PIP4P2: variants seen among roughly 807,000 people sequenced by gnomAD.
The protein encoded by PIP4P2 is type 2 phosphatidylinositol 4,5-bisphosphate 4-phosphatase.
In PIP4P2, 19 loss-of-function variants were observed where a neutral mutation model predicts 33.3. The observed-to-expected ratio is 0.57, with a 90% CI of 0.40 to 0.84. The LOEUF (loss-of-function observed/expected upper bound fraction) is 0.84. Ranked by LOEUF, PIP4P2 falls within the 40% of genes least tolerant of loss-of-function variation. The pLI, the probability that PIP4P2 is intolerant of heterozygous loss-of-function variation, is 0.00. For missense variants in PIP4P2, 270 were observed against 324.7 expected, an observed-to-expected ratio of 0.83 and a Z score of 1.29; for synonymous variants, 110 against 111.9, an observed-to-expected ratio of 0.98 and a Z score of 0.11.
intron 5 of PIP4P2, among the ~76,000 whole-genome samples, chr8:91,003,861 A>G (rs79659574): frequency 0.073 from 11,052 of 152,122 alleles, 423 homozygotes; most frequent in Middle Eastern, 0.12. Flanking sequence ...CCCAGGAGAA[A>G]GCAGTATCTG....
At chr8:91,025,850 C>G (rs981019144) in intron 1 of PIP4P2, among the ~76,000 whole-genome samples, 1 of 152,136 alleles carries the variant, frequency 6.6e-6, no homozygotes, top group Admixed American at 6.6e-5. Flanking sequence ...GGGTTAGCTG[C>G]TTTTAGTGTC....
chr8:91,037,772 C>A (rs1441886593), intron 1 of PIP4P2, among the ~76,000 whole-genome samples: 1 of 152,028 alleles, frequency 6.6e-6, no homozygotes. Context: ...CATAATGAGA[C>A]AACCCCAGAT....
chr8:91,030,940 C>G lies in PIP4P2; in HGVS notation c.107-9536G>C, dbSNP rs1319138786. 2.6e-5 allele frequency among the ~76,000 whole-genome samples: 4 copies of G among 152,306 alleles called. 1 individual carries two copies. The South Asian group carries it at 8.3e-4, about 32-fold the overall frequency. On this transcript the variant is annotated intron_variant, in intron 1 of 6. Coordinates refer to ENST00000285419, the MANE Select transcript of PIP4P2 (RefSeq NM_018710.3). ...CAAAAAAGCCACAACTTCTTTGGCA[C>G]TGCTCCCATTGAGAGGTAAGGTCTT...
chr8:91,010,432 G>A (rs1305353337), intron 4 of PIP4P2, among the ~76,000 whole-genome samples: 1 of 151,838 alleles, frequency 6.6e-6, no homozygotes, highest in East Asian at 1.9e-4. Flanking sequence ...TGCCTAAGGA[G>A]ATTGTTTAGT....
intron 5 of PIP4P2, among the ~76,000 whole-genome samples, chr8:91,000,129 C>T (rs1415224440): frequency 1.3e-5 from 2 of 151,976 alleles, no homozygotes; most frequent in Non-Finnish European, 2.9e-5. Context: ...TTAAATCCAT[C>T]TTCCTGATAA....
At chr8:90,998,331 C>T (rs1465529723) in intron 5 of PIP4P2, among the ~76,000 whole-genome samples, 1 of 151,988 alleles carries the variant, frequency 6.6e-6, no homozygotes, top group African/African-American at 2.4e-5. Flanking sequence ...TGCATGAATT[C>T]TGCTTAGAAA....
intron 4 of PIP4P2, among the ~76,000 whole-genome samples, chr8:91,012,566 C>T (rs1563564074): frequency 6.6e-6 from 1 of 152,106 alleles, no homozygotes; most frequent in African/African-American, 2.4e-5. Flanking sequence ...CAGTGTTCCC[C>T]TAATCAACAA....
Position 91,040,817 on chromosome 8 carries a change from TGCTGCTGCCTCTGCTGCC to T in PIP4P2, c.-86_-69del. ...GCGGCCTCGGCGGAGTGGTGGCTAC[TGCTGCTGCCTCTGCTGCC>T]GCTGCTGCCGCTGCAGCTGCTGCTG... On this transcript the variant is annotated 5_prime_UTR_variant, in exon 1 of 7. Transcript: ENST00000285419. 2 of 1,401,864 alleles carry T rather than the reference TGCTGCTGCCTCTGCTGCC, an allele frequency of 1.4e-6. No individual in the cohort carries two copies. The highest frequency in any genetic ancestry group is 2.0e-6 in the Non-Finnish European group (2 of 1,016,046). 86.8% of individuals were successfully genotyped at this position (1,401,864 alleles called of 1,614,324 possible). A position where few individuals can be genotyped will look rare whatever the true frequency, so the allele number is the denominator to read the frequency against.
chr8:91,040,632 C>T lies in PIP4P2; in HGVS notation c.106+12G>A, dbSNP rs372038437. Reference sequence around the variant, plus strand: ...CTTCCTTGCAAAGTAGAGGGATCTACGCTGGCCTTACCTCTGGGGCTGCTT... The same window carrying T: ...CTTCCTTGCAAAGTAGAGGGATCTATGCTGGCCTTACCTCTGGGGCTGCTT... On this transcript the variant is annotated intron_variant, in intron 1 of 6. Coordinates refer to ENST00000285419, the MANE Select transcript of PIP4P2 (RefSeq NM_018710.3). 1 of 1,613,660 alleles carries T rather than the reference C, an allele frequency of 6.2e-7. No individual in the cohort carries two copies. Among genetic ancestry groups the T allele is most frequent in the South Asian group, 1.1e-5 (1 of 91,054 alleles).
At chr8:91,024,855 G>A (rs549107885) in intron 1 of PIP4P2, among the ~76,000 whole-genome samples, 14 of 152,120 alleles carry the variant, frequency 9.2e-5, no homozygotes, top group Non-Finnish European at 1.6e-4. Flanking sequence ...CTCCCTCAAA[G>A]CTCCAGAATA....
At chr8:91,002,617 C>T (rs942553898) in intron 5 of PIP4P2, among the ~76,000 whole-genome samples, 7 of 152,134 alleles carry the variant, frequency 4.6e-5, no homozygotes, top group Non-Finnish European at 1.0e-4. Flanking sequence ...GGGAGTAAGT[C>T]ATTTCAGCTG....
At chr8:91,033,030 C>A (rs772947275) in intron 1 of PIP4P2, among the ~76,000 whole-genome samples, 3 of 152,100 alleles carry the variant, frequency 2.0e-5, no homozygotes, top group Non-Finnish European at 4.4e-5. Context: ...GAATGCTCTA[C>A]CCTACAAGTT....
At chr8:90,997,781 T>C (rs1489789702) in intron 5 of PIP4P2, among the ~76,000 whole-genome samples, 2 of 152,104 alleles carry the variant, frequency 1.3e-5, no homozygotes, top group Admixed American at 6.6e-5. Flanking sequence ...TCTCAAAGAA[T>C]GTCTGATGAA....
chr8:91,037,639 C>A (rs1563570767), intron 1 of PIP4P2, among the ~76,000 whole-genome samples: 1 of 152,170 alleles, frequency 6.6e-6, no homozygotes, highest in Admixed American at 6.5e-5. Context: ...TTGGCTGGTA[C>A]TCAAATATTT....
intron 1 of PIP4P2, among the ~76,000 whole-genome samples, chr8:91,026,992 G>A (rs1280236368): frequency 6.6e-6 from 1 of 152,194 alleles, no homozygotes; most frequent in Non-Finnish European, 1.5e-5. Flanking sequence ...CAGAAAATGA[G>A]AAGCTCCGGT....
At chr8:91,018,338 G>T in intron 4 of PIP4P2, 52 bp downstream of exon 4, 1 of 1,612,214 alleles carries the variant, frequency 6.2e-7, no homozygotes, top group Non-Finnish European at 8.5e-7. Flanking sequence ...GCTCTAATCT[G>T]TAAGATCATG....
chr8:90,997,439 T>C (rs1409494170), intron 5 of PIP4P2, among the ~76,000 whole-genome samples: 1 of 152,242 alleles, frequency 6.6e-6, no homozygotes, highest in East Asian at 1.9e-4. Context: ...TTCTTAAGAT[T>C]TTTAAATTTA....
At chr8:91,008,642 C>T (rs1332817436) in intron 5 of PIP4P2, 101 bp downstream of exon 5, 13 of 1,081,820 alleles carry the variant, frequency 1.2e-5, no homozygotes, top group African/African-American at 1.1e-4. Context: ...ATTCACTCCA[C>T]AGCATGTTTT....
rs200603061 is a variant in PIP4P2, at chr8:91,021,404, G to A, written c.107C>T (p.Ala36Val). Reference sequence around the variant, plus strand: ...GGCTGTATATGGAGGTGGGAGCTCCGCTGAAAAGATATTAGTCACTGAATC... The same window carrying A: ...GGCTGTATATGGAGGTGGGAGCTCCACTGAAAAGATATTAGTCACTGAATC... ...PPYLQESSPR[A>V]ELPPPYTAIA... Residue 36 changes from alanine (A) to valine (V), a missense_variant and splice_region_variant, in exon 2 of 7, where the codon GCG becomes GTG. Ala to Val is a moderately conservative substitution (Grantham distance 64). Coordinates refer to ENST00000285419, the MANE Select transcript of PIP4P2 (RefSeq NM_018710.3). 22 of 1,613,150 alleles carry A rather than the reference G, an allele frequency of 1.4e-5. No individual in the cohort carries two copies. In the African/African-American group the frequency reaches 1.9e-4, roughly 14 times the overall value.
Sources: gnomAD v4.1 joint callset for allele counts (sites outside exome capture counted in the v4.1 genomes callset) on GRCh38, gnomAD v4.1.1 for gene constraint, MANE v1.5 for transcripts, NCBI Gene and HGNC (gene_info 2026-07-23, HGNC 2026-07-21) for gene names.